The following PCNX2 variants were observed in gnomAD, a reference collection of about 807,000 sequenced individuals.
PCNX2 encodes pecanex-like protein 2.
Under a neutral mutation model 223.8 loss-of-function variants are expected in PCNX2, and 168 were observed. The ratio of observed to expected loss-of-function variants is 0.75; its 90% CI spans 0.66 to 0.85. The LOEUF (loss-of-function observed/expected upper bound fraction) is 0.85, where lower values mean the gene tolerates loss of function less well. PCNX2 is among the 40% of genes least tolerant of loss of function. The probability of loss-of-function intolerance (pLI) is 0.00; values close to 1 mark genes in which losing one functional copy is unlikely to be tolerated. For missense variants in PCNX2, 2,507 were observed against 2,675.5 expected (o/e 0.94, Z 1.39); for synonymous variants, 1,006 against 1,052.6 (o/e 0.96, Z 0.86).
chr1:233,004,304 C>T (rs1225471507), intron 28 of PCNX2, among the ~76,000 whole-genome samples: 2 of 152,094 alleles, frequency 1.3e-5, no homozygotes, highest in Non-Finnish European at 2.9e-5. Flanking sequence ...GCTTCCATTT[C>T]CCACACATCA....
In PCNX2 at chr1:233,252,445, AT is replaced by A; in HGVS notation, c.2036del (p.Asp679ValfsTer39). 1.2e-6 allele frequency: 2 copies of A among 1,613,682 alleles called. No homozygotes were observed. Among genetic ancestry groups the A allele is most frequent in the Non-Finnish European group, 1.7e-6 (2 of 1,179,594 alleles). On this transcript the variant is annotated frameshift_variant, in exon 7 of 34. Transcript: ENST00000258229. LOFTEE classifies it high-confidence loss of function. ...QIIYRVTSQQ[D>X]SSVLQVISGP... ...CACTGATGACTTGCAAGACAGAACT[AT>A]CTTGTTGGGAAGTTACCCTGTAGAT...
chr1:233,178,949 G>T lies in PCNX2; in HGVS notation c.3176+117C>A, dbSNP rs543980593. Reference sequence around the variant, plus strand: ...GTGAGTGACCAGCTAGTTTAATAATGAGAGTCAAATCACAATGGGCAGTGA... The same window carrying T: ...GTGAGTGACCAGCTAGTTTAATAATTAGAGTCAAATCACAATGGGCAGTGA... On this transcript the variant is annotated intron_variant, in intron 16 of 33. Coordinates refer to ENST00000258229, the MANE Select transcript of PCNX2 (RefSeq NM_014801.4). 9 of 809,478 alleles carry T rather than the reference G, an allele frequency of 1.1e-5. No individual in the cohort carries two copies. In the African/African-American group the frequency reaches 1.2e-4, roughly 11 times the overall value. 50.1% of individuals were successfully genotyped at this position (809,478 alleles called of 1,614,324 possible). A position where few individuals can be genotyped will look rare whatever the true frequency, so the allele number is the denominator to read the frequency against.
At chr1:233,131,276 A>G (rs915663934) in intron 21 of PCNX2, among the ~76,000 whole-genome samples, 3 of 152,188 alleles carry the variant, frequency 2.0e-5, no homozygotes, top group Non-Finnish European at 4.4e-5. Flanking sequence ...GACAAGTAAC[A>G]TTTCACATTG....
intron 1 of PCNX2, among the ~76,000 whole-genome samples, chr1:233,278,154 T>G (rs1327632232): frequency 6.6e-6 from 1 of 152,118 alleles, no homozygotes; most frequent in Non-Finnish European, 1.5e-5. Context: ...ACTCTTTGTG[T>G]GCACACAGTA....
At chr1:233,003,882 C>T (rs1487606778) in intron 28 of PCNX2, among the ~76,000 whole-genome samples, 1 of 152,146 alleles carries the variant, frequency 6.6e-6, no homozygotes, top group African/African-American at 2.4e-5. Flanking sequence ...AACCATCATT[C>T]TCAACAAAGT....
intron 19 of PCNX2, among the ~76,000 whole-genome samples, chr1:233,160,061 T>C (rs1403740396): frequency 2.0e-5 from 3 of 152,222 alleles, no homozygotes; most frequent in Non-Finnish European, 4.4e-5. Flanking sequence ...TTTCTTGTTA[T>C]GGTTGGCTAG....
At chr1:233,125,002 T>C (rs912186235) in intron 21 of PCNX2, among the ~76,000 whole-genome samples, 1 of 152,168 alleles carries the variant, frequency 6.6e-6, no homozygotes, top group Non-Finnish European at 1.5e-5. Flanking sequence ...CATTTACAAA[T>C]AGGTATTGAG....
intron 21 of PCNX2, among the ~76,000 whole-genome samples, chr1:233,127,029 C>A (rs1429627896): frequency 6.6e-6 from 1 of 152,166 alleles, no homozygotes; most frequent in Non-Finnish European, 1.5e-5. Flanking sequence ...CTTCTGCCAC[C>A]TCGGTTCAAG....
intron 21 of PCNX2, among the ~76,000 whole-genome samples, chr1:233,098,814 T>C (rs1010369236): frequency 6.6e-6 from 1 of 152,222 alleles, no homozygotes; most frequent in Admixed American, 6.5e-5. Context: ...CCTCTGGTCA[T>C]ATATTTCTGG....
the PCNX2 span, among the ~76,000 whole-genome samples, chr1:233,301,902 A>G: frequency 6.7e-6 from 1 of 148,824 alleles, no homozygotes; most frequent in Non-Finnish European, 1.5e-5. Flanking sequence ...AGTGATTCTC[A>G]TGCCTCAGCC....
intron 16 of PCNX2, 27 bp from the exon 17 acceptor site, chr1:233,177,925 A>C (rs368146529): frequency 6.0e-5 from 94 of 1,568,204 alleles, no homozygotes; most frequent in Non-Finnish European, 8.1e-5. Flanking sequence ...ACAATACTTC[A>C]TCAAAGATGT....
the PCNX2 span, among the ~76,000 whole-genome samples, chr1:233,311,491 GAAGA>G: frequency 6.6e-6 from 1 of 152,160 alleles, no homozygotes; most frequent in South Asian, 2.1e-4. Flanking sequence ...ATTATAATAA[GAAGA>G]AAGAATTAAA....
chr1:233,028,856 T>G (rs1671171456), intron 25 of PCNX2, among the ~76,000 whole-genome samples: 1 of 150,380 alleles, frequency 6.6e-6, no homozygotes, highest in African/African-American at 2.5e-5. Flanking sequence ...TTTTTTTTTT[T>G]GAGATGGAGT....
In PCNX2 at chr1:232,984,332, G is replaced by C; in HGVS notation, c.6386C>G (p.Ser2129Trp). ...QEDMGLDDTASQQSVSDEQ is the reference protein window; with the variant it reads ...QEDMGLDDTAWQQSVSDEQ ...CTGCTCGTCTGACACACTTTGCTGC[G>C]AGGCCGTGTCGTCCAGGCCCATGTC... Residue 2129 changes from serine (S) to tryptophan (W), a missense_variant, in exon 34 of 34, where the codon TCG (serine) becomes TGG (tryptophan). Transcript: ENST00000258229. The C allele has an allele frequency of 6.2e-7, 1 of 1,610,374 alleles. No homozygotes were observed. Among genetic ancestry groups the C allele is most frequent in the Non-Finnish European group, 8.5e-7 (1 of 1,178,582 alleles).
chr1:233,298,289 A>G (rs183008804), upstream of PCNX2, among the ~76,000 whole-genome samples: 1 of 152,298 alleles, frequency 6.6e-6, no homozygotes, highest in Non-Finnish European at 1.5e-5. Flanking sequence ...TTCAAGAAGG[A>G]CGTGATTAAT....
chr1:233,103,288 T>C (rs1050623794), intron 21 of PCNX2, among the ~76,000 whole-genome samples: 8 of 152,150 alleles, frequency 5.3e-5, no homozygotes, highest in Non-Finnish European at 5.9e-5. Flanking sequence ...ATAATCCAGT[T>C]ATATTCTTTT....
chr1:233,217,210 A>G (rs2102926588), intron 12 of PCNX2, among the ~76,000 whole-genome samples: 1 of 152,286 alleles, frequency 6.6e-6, no homozygotes, highest in Admixed American at 6.5e-5. Context: ...GTAGATTTTA[A>G]ATGTTCTCAC....
the PCNX2 span, among the ~76,000 whole-genome samples, chr1:233,318,797 C>T: frequency 6.6e-6 from 1 of 152,026 alleles, no homozygotes; most frequent in Non-Finnish European, 1.5e-5. Flanking sequence ...AAACTCCCGA[C>T]CTGAAGTGAT....
In PCNX2 at chr1:233,209,984, GCTACTTTCCACTTGCT is replaced by G. The variant is rs1470375118; in HGVS notation, c.2692-1311_2692-1296del. On this transcript the variant is annotated intron_variant, in intron 12 of 33. Coordinates refer to ENST00000258229, the MANE Select transcript of PCNX2 (RefSeq NM_014801.4). ...ATGGTTTAGGAAATATCATTAAATA[GCTACTTTCCACTTGCT>G]CTGATTTTTTTTCTTTGATTAAAAG... is the stretch of plus-strand genomic sequence containing the variant. 6.6e-5 allele frequency among the ~76,000 whole-genome samples: 10 copies of G among 152,148 alleles called. No homozygotes were observed. In the East Asian group the frequency reaches 1.5e-3, roughly 23 times the overall value.
Sources: allele counts gnomAD v4.1 joint callset (sites outside exome capture counted in the v4.1 genomes callset), GRCh38; gene constraint gnomAD v4.1.1; transcripts MANE v1.5; gene names NCBI Gene and HGNC (gene_info 2026-07-23, HGNC 2026-07-21).